RIPOR3: variants seen among roughly 807,000 people sequenced by gnomAD.
RIPOR3 encodes the protein RIPOR family member 3.
A neutral mutation model predicts 114.3 loss-of-function variants in RIPOR3; 95 were observed. That is an observed-to-expected ratio of 0.83 (90% CI 0.70 to 0.99). The LOEUF is 0.99. Among genes scored for constraint, RIPOR3 ranks in the 50% least tolerant of loss-of-function variants. RIPOR3 has a pLI of 0.00. For missense variants in RIPOR3, 1,252 were observed against 1,266.9 expected (o/e 0.99, Z 0.18); for synonymous variants, 575 against 543.8 (o/e 1.06, Z -0.80).
chr20:50,592,690 A>C, intron 18 of RIPOR3, 144 bp from the exon 19 acceptor site: 1 of 743,724 alleles, frequency 1.3e-6, no homozygotes, highest in South Asian at 2.6e-5. Flanking sequence ...AGCCTGGACT[A>C]ATTTCACAGG....
intron 2 of RIPOR3, chr20:50,621,206 A>G (rs771916202): frequency 2.4e-4 from 79 of 334,226 alleles, no homozygotes; most frequent in Middle Eastern, 1.0e-3. Context: ...CCAAATGCCA[A>G]TGCTCTCTGA....
At chr20:50,587,636 G>A (rs2082964176) in intron 21 of RIPOR3, among the ~76,000 whole-genome samples, 166 bp downstream of exon 21, 1 of 152,262 alleles carries the variant, frequency 6.6e-6, no homozygotes, top group African/African-American at 2.4e-5. Context: ...TGCCTTGGCA[G>A]GATGCTACAA....
At chr20:50,639,067 C>G (rs2085099940) in intron 1 of RIPOR3, among the ~76,000 whole-genome samples, 1 of 152,180 alleles carries the variant, frequency 6.6e-6, no homozygotes, top group South Asian at 2.1e-4. Context: ...CATGGTGAAA[C>G]CCCATCTCTA....
chr20:50,598,835 G>A (rs1020874531), intron 13 of RIPOR3, among the ~76,000 whole-genome samples: 1 of 151,480 alleles, frequency 6.6e-6, no homozygotes, highest in Non-Finnish European at 1.5e-5. Context: ...ACCCGGGGAG[G>A]CGGAGGTTGC....
At chr20:50,597,087 T>G (rs2083320400) in intron 14 of RIPOR3, 1 of 153,518 alleles carries the variant, frequency 6.5e-6, no homozygotes, top group South Asian at 2.0e-4. Flanking sequence ...TGCCTCAGCC[T>G]CCTGAGTAGC....
intron 16 of RIPOR3, 158 bp from the exon 17 acceptor site, chr20:50,594,872 G>T: frequency 1.3e-6 from 1 of 774,676 alleles, no homozygotes; most frequent in Non-Finnish European, 2.0e-6. Context: ...TGACACGTGA[G>T]CAACTTTGGC....
At chr20:50,658,886 G>A (rs892802640) in intron 1 of RIPOR3, among the ~76,000 whole-genome samples, 4 of 152,212 alleles carry the variant, frequency 2.6e-5, no homozygotes, top group Non-Finnish European at 2.9e-5. Flanking sequence ...CCAAGGCTAC[G>A]TTATCCTGCA....
chr20:50,618,270 C>CAAAAAAAAAAAA (rs61215608), intron 3 of RIPOR3, among the ~76,000 whole-genome samples: 6 of 67,384 alleles, frequency 8.9e-5, no homozygotes, highest in African/African-American at 3.6e-4. Flanking sequence ...GACTCCGTCT[C>CAAAAAAAAAAAA]AAAAAAAAAA....
At chr20:50,599,892 TCA>T (rs761600655) in intron 13 of RIPOR3, among the ~76,000 whole-genome samples, 4 of 150,242 alleles carry the variant, frequency 2.7e-5, no homozygotes, top group Admixed American at 1.3e-4. Context: ...ATGTATGCGC[TCA>T]CACACACACT....
intron 2 of RIPOR3, among the ~76,000 whole-genome samples, chr20:50,627,979 G>C (rs186896651): frequency 2.7e-4 from 41 of 152,348 alleles, no homozygotes; most frequent in Middle Eastern, 3.4e-3. Flanking sequence ...AGCTGGGAGA[G>C]GGTCACCTGG....
intron 19 of RIPOR3, among the ~76,000 whole-genome samples, chr20:50,590,815 CTTTTTT>C (rs11476746): frequency 7.6e-6 from 1 of 131,684 alleles, no homozygotes; most frequent in Non-Finnish European, 1.6e-5. Flanking sequence ...GATGAAGGCC[CTTTTTT>C]TTTTTTTTTT....
Position 50,594,578 on chromosome 20 carries a change from C to T in RIPOR3, c.2187G>A (p.Gly729=). Residue 729 remains glycine, a synonymous_variant, in exon 17 of 22, where the codon GGG becomes GGA. Coordinates refer to ENST00000327979, the MANE Select transcript of RIPOR3 (RefSeq NM_001290268.2). ...LKKTFQHRVR[G]KYPGQLEIAC... is the part of the protein sequence containing the mutation. ...CTATTTCCAGCTGTCCTGGGTACTTCCCTCTGACTCTGTGCTGGAAGGTTT... is the reference window on the plus strand; with the variant it reads ...CTATTTCCAGCTGTCCTGGGTACTTTCCTCTGACTCTGTGCTGGAAGGTTT... The T allele has an allele frequency of 6.2e-7, 1 of 1,614,088 alleles. No individual in the cohort carries two copies. The highest frequency in any genetic ancestry group is 8.5e-7 in the Non-Finnish European group (1 of 1,180,004).
intron 2 of RIPOR3, among the ~76,000 whole-genome samples, chr20:50,628,116 A>G (rs1484188420): frequency 6.6e-6 from 1 of 152,224 alleles, no homozygotes; most frequent in East Asian, 1.9e-4. Context: ...GGTTAAGTTG[A>G]GAAACAGCAT....
At position 50,610,840 on chromosome 20, in the gene RIPOR3, C is replaced by G. The variant is rs777258446; in HGVS notation, c.426+13G>C. The G allele has an allele frequency of 6.2e-7, 1 of 1,614,214 alleles. No individual in the cohort carries two copies. The highest frequency in any genetic ancestry group is 1.3e-5 in the African/African-American group (1 of 75,062). On this transcript the variant is annotated intron_variant, in intron 6 of 21. Transcript: ENST00000327979. ...GCCCCACCCCACCCTGCAACATCCA[C>G]GAGCCAGCTGACCTTGCTGATGTGA... is the stretch of plus-strand genomic sequence containing the variant.
At chr20:50,667,044 T>C (rs968369925) in intron 1 of RIPOR3, among the ~76,000 whole-genome samples, 9 of 152,170 alleles carry the variant, frequency 5.9e-5, no homozygotes, top group Non-Finnish European at 1.2e-4. Flanking sequence ...AAAGCTTTCC[T>C]GAATGCCTTG....
At chr20:50,608,278 G>A (rs1052941553) in intron 11 of RIPOR3, 111 bp downstream of exon 11, 2 of 1,489,760 alleles carry the variant, frequency 1.3e-6, no homozygotes, top group Admixed American at 1.8e-5. Context: ...ACCCGTGAGG[G>A]CAGGGACACC....
chr20:50,592,247 CT>C, intron 19 of RIPOR3, 96 bp downstream of exon 19: 1 of 1,295,864 alleles, frequency 7.7e-7, no homozygotes, highest in Non-Finnish European at 1.0e-6. Flanking sequence ...ACTGCAGCCC[CT>C]GGCACTCACT....
intron 19 of RIPOR3, chr20:50,589,980 G>A: frequency 2.0e-6 from 1 of 506,040 alleles, no homozygotes. Context: ...AAAAACAGAT[G>A]CCAGGGCTAA....
intron 13 of RIPOR3, among the ~76,000 whole-genome samples, chr20:50,601,393 C>T (rs2083487709): frequency 6.6e-6 from 1 of 152,190 alleles, no homozygotes; most frequent in South Asian, 2.1e-4. Context: ...GAGATGGCGC[C>T]GCTACAACTC....
Sources: allele counts gnomAD v4.1 joint callset (sites outside exome capture counted in the v4.1 genomes callset), GRCh38; gene constraint gnomAD v4.1.1; transcripts MANE v1.5; gene names NCBI Gene and HGNC (gene_info 2026-07-23, HGNC 2026-07-21).